BCAS1: variants seen among roughly 807,000 people sequenced by gnomAD.
BCAS1 encodes breast carcinoma-amplified sequence 1.
A neutral mutation model predicts 65.4 loss-of-function variants in BCAS1; 46 were observed. The ratio of observed to expected loss-of-function variants is 0.70; its 90% CI spans 0.55 to 0.90. The LOEUF (loss-of-function observed/expected upper bound fraction) is 0.90. Among genes scored for constraint, BCAS1 ranks in the 40% least tolerant of loss-of-function variants. The pLI, the probability that BCAS1 is intolerant of heterozygous loss-of-function variation, is 0.00. For missense variants in BCAS1, 793 were observed against 771.2 expected (o/e 1.03, Z -0.33); for synonymous variants, 298 against 293.5 (o/e 1.02, Z -0.16).
At chr20:53,957,411 A>T (rs757045518) in intron 11 of BCAS1, 21 bp downstream of exon 11, 5 of 1,605,798 alleles carry the variant, frequency 3.1e-6, no homozygotes, top group Non-Finnish European at 4.3e-6. Context: ...CCACCACCAA[A>T]CTGAGTTCGA....
At chr20:53,948,232 C>T (rs2089394989) in intron 12 of BCAS1, among the ~76,000 whole-genome samples, 1 of 152,162 alleles carries the variant, frequency 6.6e-6, no homozygotes, top group South Asian at 2.1e-4. Flanking sequence ...AGGTTTCCAT[C>T]CTTTAGGTTC....
At chr20:53,960,469 T>TAAAA (rs11467629) in intron 10 of BCAS1, among the ~76,000 whole-genome samples, 10 of 63,112 alleles carry the variant, frequency 1.6e-4, no homozygotes, top group East Asian at 1.2e-3. Context: ...TTCAACTTCT[T>TAAAA]AAAAAAAAAA....
chr20:54,058,768 A>T, intron 1 of BCAS1, 45 bp from the exon 2 acceptor site: 1 of 1,602,452 alleles, frequency 6.2e-7, no homozygotes, highest in Non-Finnish European at 8.5e-7. Flanking sequence ...AATCAAAACC[A>T]AACGAAGCTA....
At chr20:54,038,342 A>G (rs958495246) in intron 3 of BCAS1, among the ~76,000 whole-genome samples, 4 of 151,318 alleles carry the variant, frequency 2.6e-5, no homozygotes, top group African/African-American at 9.7e-5. Context: ...AAATGATCCC[A>G]TTAATTTCTT....
At chr20:53,949,340 T>C (rs1377043061) in intron 12 of BCAS1, among the ~76,000 whole-genome samples, 1 of 150,882 alleles carries the variant, frequency 6.6e-6, no homozygotes. Context: ...CCAGTTCTTT[T>C]CAGATTTTTG....
At chr20:53,993,808 C>A (rs899930383) in intron 6 of BCAS1, among the ~76,000 whole-genome samples, 2 of 152,304 alleles carry the variant, frequency 1.3e-5, no homozygotes, top group Non-Finnish European at 2.9e-5. Context: ...GCTTCAGATA[C>A]ATATTTTTTT....
At chr20:54,013,494 A>C (rs1185804340) in intron 4 of BCAS1, among the ~76,000 whole-genome samples, 2 of 152,262 alleles carry the variant, frequency 1.3e-5, no homozygotes, top group Non-Finnish European at 2.9e-5. Context: ...TACAAGTATA[A>C]ACTAATTCAA....
chr20:53,982,766 A>T (rs1380906334), intron 8 of BCAS1, among the ~76,000 whole-genome samples: 1 of 152,244 alleles, frequency 6.6e-6, no homozygotes, highest in East Asian at 1.9e-4. Flanking sequence ...TTACAAGAAT[A>T]TAAGCTAGGA....
rs766551129 is a variant in BCAS1, at chr20:53,953,625, T to C, written c.1622A>G (p.Lys541Arg). The C allele has an allele frequency of 6.2e-7, 1 of 1,613,954 alleles. No homozygotes were observed. The highest frequency in any genetic ancestry group is 8.5e-7 in the Non-Finnish European group (1 of 1,180,002). ...CTTCTTGTCCTTCGAGGAGCCCTCT[T>C]TACCCTTCTGTGGTGCTCCTGTTGG... ...PEPTGAPQKG[K>R]EGSSKDKKSA... Residue 541 changes from lysine (K) to arginine (R), a missense_variant, in exon 12 of 13, where the codon AAA becomes AGA. Physicochemically the swap from Lys to Arg is conservative, Grantham distance 26. Transcript: ENST00000688948.
At chr20:54,067,563 T>C (rs1334120513) in intron 1 of BCAS1, among the ~76,000 whole-genome samples, 1 of 152,190 alleles carries the variant, frequency 6.6e-6, no homozygotes, top group Non-Finnish European at 1.5e-5. Flanking sequence ...CATGAGTGAA[T>C]TGGCCTCCTG....
intron 12 of BCAS1, among the ~76,000 whole-genome samples, chr20:53,949,163 T>C (rs2089431730): frequency 1.3e-5 from 2 of 151,744 alleles, no homozygotes; most frequent in African/African-American, 4.8e-5. Context: ...ATAGTTTCAC[T>C]TTTATCATAT....
intron 4 of BCAS1, among the ~76,000 whole-genome samples, chr20:54,025,058 G>T (rs1388846049): frequency 6.6e-6 from 1 of 152,040 alleles, no homozygotes; most frequent in Non-Finnish European, 1.5e-5. Context: ...CTTGCACAAG[G>T]TTAGTGCGAA....
At chr20:54,018,401 CTTT>C (rs35997009) in intron 4 of BCAS1, among the ~76,000 whole-genome samples, 2 of 136,366 alleles carry the variant, frequency 1.5e-5, no homozygotes, top group African/African-American at 5.4e-5. Flanking sequence ...TATCCACTTA[CTTT>C]TTTTTTTTTT....
chr20:53,995,778 A>G, intron 5 of BCAS1, 114 bp downstream of exon 5: 1 of 1,223,822 alleles, frequency 8.2e-7, no homozygotes, highest in East Asian at 2.5e-5. Context: ...CCCATGCTCC[A>G]ACAGCACCAT....
intron 4 of BCAS1, among the ~76,000 whole-genome samples, chr20:53,998,593 T>C (rs975006291): frequency 1.3e-5 from 2 of 152,230 alleles, no homozygotes; most frequent in Non-Finnish European, 2.9e-5. Flanking sequence ...CCATTCATGA[T>C]GGATCCACCC....
chr20:54,037,940 TCA>T (rs1233230612), intron 3 of BCAS1, among the ~76,000 whole-genome samples: 1 of 151,440 alleles, frequency 6.6e-6, no homozygotes, highest in Non-Finnish European at 1.5e-5. Context: ...CCCTGTTTTC[TCA>T]CATCTGGGAA....
intron 4 of BCAS1, among the ~76,000 whole-genome samples, chr20:54,001,893 A>G (rs2091064014): frequency 6.6e-6 from 1 of 152,154 alleles, no homozygotes; most frequent in African/African-American, 2.4e-5. Context: ...AATCGTGTCT[A>G]GTCTAGGAAG....
chr20:53,997,412 T>C (rs1192692726), intron 4 of BCAS1, among the ~76,000 whole-genome samples: 1 of 152,244 alleles, frequency 6.6e-6, no homozygotes, highest in African/African-American at 2.4e-5. Flanking sequence ...ACCTGCCTCA[T>C]TCTTTACGAC....
At chr20:53,960,498 AG>A (rs1299403231) in intron 10 of BCAS1, among the ~76,000 whole-genome samples, 14 of 73,128 alleles carry the variant, frequency 1.9e-4, no homozygotes, top group African/African-American at 2.5e-4. Context: ...AAAAAAAAAG[AG>A]AGAGAGAGTA....
Sources: gnomAD v4.1 joint callset for allele counts (sites outside exome capture counted in the v4.1 genomes callset) on GRCh38, gnomAD v4.1.1 for gene constraint, MANE v1.5 for transcripts, NCBI Gene and HGNC (gene_info 2026-07-23, HGNC 2026-07-21) for gene names.